The following TSPAN5 variants were observed in gnomAD, a reference collection of about 807,000 sequenced individuals.
TSPAN5 encodes tetraspanin 5, also known as tetraspanin-5.
In TSPAN5, 10 loss-of-function variants were observed where a neutral mutation model predicts 37.1. That is an observed-to-expected ratio of 0.27 (90% CI 0.17 to 0.46). TSPAN5 has a LOEUF of 0.46. Among genes scored for constraint, TSPAN5 ranks in the 20% least tolerant of loss-of-function variants. TSPAN5 has a pLI of 1.00. For missense variants in TSPAN5, 195 were observed against 326.6 expected (o/e 0.60, Z 3.11); for synonymous variants, 110 against 118.9 (o/e 0.93, Z 0.48).
chr4:98,632,563 G>A lies in TSPAN5; in HGVS notation c.81+25583C>T, dbSNP rs531851601. ...CTGTCACGGAAAACCAGGACCTATGGAGCACTTCGAAAACCCTGCCCTGAG... is the reference window on the plus strand; with the variant it reads ...CTGTCACGGAAAACCAGGACCTATGAAGCACTTCGAAAACCCTGCCCTGAG... On this transcript the variant is annotated intron_variant, in intron 1 of 7. Transcript: ENST00000305798. 3.3e-5 allele frequency among the ~76,000 whole-genome samples: 5 copies of A among 152,244 alleles called. No homozygotes were observed. The East Asian group carries it at 5.8e-4, about 18-fold the overall frequency.
intron 1 of TSPAN5, among the ~76,000 whole-genome samples, chr4:98,569,082 G>A (rs1230273955): frequency 3.9e-5 from 6 of 152,106 alleles, no homozygotes; most frequent in Admixed American, 3.9e-4. Context: ...TGGATGCCTC[G>A]GACTTAACCT....
At chr4:98,536,517 TCAAA>T (rs1419725426) in intron 1 of TSPAN5, among the ~76,000 whole-genome samples, 4 of 152,330 alleles carry the variant, frequency 2.6e-5, no homozygotes, top group Non-Finnish European at 4.4e-5. Context: ...TCAGCAGAGC[TCAAA>T]CACTGTGCTG....
chr4:98,589,105 C>T (rs1755562555), intron 1 of TSPAN5, among the ~76,000 whole-genome samples: 1 of 152,112 alleles, frequency 6.6e-6, no homozygotes, highest in Admixed American at 6.5e-5. Flanking sequence ...TGCTTCAACA[C>T]CTTCCTCTTT....
intron 1 of TSPAN5, among the ~76,000 whole-genome samples, chr4:98,602,593 G>A (rs984355696): frequency 6.6e-6 from 1 of 152,156 alleles, no homozygotes; most frequent in Non-Finnish European, 1.5e-5. Flanking sequence ...AATCCCTGAG[G>A]AAGCTACAGA....
chr4:98,519,657 A>G (rs1167589905), intron 1 of TSPAN5, among the ~76,000 whole-genome samples: 1 of 152,242 alleles, frequency 6.6e-6, no homozygotes, highest in East Asian at 1.9e-4. Context: ...AAAGTTAGGA[A>G]TACTAGAAGT....
chr4:98,494,592 G>A (rs1166519615), intron 2 of TSPAN5, among the ~76,000 whole-genome samples: 1 of 151,888 alleles, frequency 6.6e-6, no homozygotes, highest in Admixed American at 6.5e-5. Context: ...CAAACACGAT[G>A]TGAAGTGCTT....
At chr4:98,595,538 T>C (rs1259520626) in intron 1 of TSPAN5, among the ~76,000 whole-genome samples, 3 of 129,280 alleles carry the variant, frequency 2.3e-5, no homozygotes, top group African/African-American at 3.5e-5. Context: ...AGGGTGTCAA[T>C]TTTGGATCTT....
chr4:98,619,204 T>C (rs1487629714), intron 1 of TSPAN5, among the ~76,000 whole-genome samples: 1 of 152,226 alleles, frequency 6.6e-6, no homozygotes, highest in African/African-American at 2.4e-5. Context: ...TGCTTATCTC[T>C]TTTGGGAAAT....
At chr4:98,591,799 T>C (rs1350180069) in intron 1 of TSPAN5, among the ~76,000 whole-genome samples, 2 of 151,840 alleles carry the variant, frequency 1.3e-5, no homozygotes, top group African/African-American at 2.4e-5. Context: ...TTAGTCATCA[T>C]TTATCTATAA....
chr4:98,609,788 C>T (rs1007953382), intron 1 of TSPAN5, among the ~76,000 whole-genome samples: 1 of 152,184 alleles, frequency 6.6e-6, no homozygotes, highest in Non-Finnish European at 1.5e-5. Context: ...GAAGACCCCA[C>T]ACCCAGAAAG....
intron 1 of TSPAN5, among the ~76,000 whole-genome samples, chr4:98,625,562 G>C (rs999027460): frequency 6.6e-6 from 1 of 152,206 alleles, no homozygotes; most frequent in African/African-American, 2.4e-5. Context: ...CAGGGCCAGA[G>C]GGCCAAACCC....
At chr4:98,556,026 A>T (rs1183838876) in intron 1 of TSPAN5, among the ~76,000 whole-genome samples, 1 of 83,322 alleles carries the variant, frequency 1.2e-5, no homozygotes, top group Non-Finnish European at 2.4e-5. Context: ...ACACACCCCC[A>T]CACACACAGC....
intron 1 of TSPAN5, among the ~76,000 whole-genome samples, chr4:98,599,399 A>C (rs1290985886): frequency 3.9e-5 from 6 of 152,228 alleles, no homozygotes; most frequent in South Asian, 2.1e-4. Flanking sequence ...GAAGCACCAC[A>C]AATGTCTTTA....
chr4:98,477,572 G>A (rs1157410185), intron 5 of TSPAN5, among the ~76,000 whole-genome samples: 2 of 152,098 alleles, frequency 1.3e-5, no homozygotes, highest in Non-Finnish European at 2.9e-5. Flanking sequence ...GAGAACAGTT[G>A]AGGAGTCCCA....
At position 98,601,028 on chromosome 4, in the gene TSPAN5, A is replaced by G. The variant is rs892084021; in HGVS notation, c.81+57118T>C. Among the ~76,000 whole-genome samples, 4 of 152,366 alleles carry G rather than the reference A, an allele frequency of 2.6e-5. 1 individual carries two copies. The highest frequency in any genetic ancestry group is 1.5e-5 in the Non-Finnish European group (1 of 68,034). ...GAGCTCTTGGGTAACCAGGTACATT[A>G]TCACACTGGAACAGTAATATTTTGG... On this transcript the variant is annotated intron_variant, in intron 1 of 7. Coordinates refer to ENST00000305798, the MANE Select transcript of TSPAN5 (RefSeq NM_005723.4).
rs368847645 is a variant in TSPAN5 at position 98,604,401 on chromosome 4, G to A, written c.81+53745C>T. Among the ~76,000 whole-genome samples the A allele has an allele frequency of 1.7e-4, 26 of 152,240 alleles. No homozygotes were observed. In the East Asian group the frequency reaches 2.5e-3, roughly 15 times the overall value. On this transcript the variant is annotated intron_variant, in intron 1 of 7. Transcript: ENST00000305798. ...ACACTGAAAACTGTTCTAACATCTC[G>A]TCATCAAAATGACAGAGCCACTGCA...
At chr4:98,618,155 AC>A (rs1560561817) in intron 1 of TSPAN5, among the ~76,000 whole-genome samples, 1 of 152,204 alleles carries the variant, frequency 6.6e-6, no homozygotes, top group Admixed American at 6.5e-5. Flanking sequence ...TTTAACTCCC[AC>A]AGATGTTAGA....
intron 1 of TSPAN5, among the ~76,000 whole-genome samples, chr4:98,654,110 T>C (rs1317232524): frequency 1.3e-5 from 2 of 152,118 alleles, no homozygotes; most frequent in Admixed American, 6.5e-5. Flanking sequence ...GTCATATGAG[T>C]ATACCATCTC....
At chr4:98,486,403 T>G (rs1752959298) in intron 3 of TSPAN5, 1 of 206,602 alleles carries the variant, frequency 4.8e-6, no homozygotes. Flanking sequence ...CTATGTGCAT[T>G]AAAACGGTGG....
Sources: allele counts gnomAD v4.1 joint callset (sites outside exome capture counted in the v4.1 genomes callset), GRCh38; gene constraint gnomAD v4.1.1; transcripts MANE v1.5; gene names NCBI Gene and HGNC (gene_info 2026-07-23, HGNC 2026-07-21).